The following IFT74 variants were observed in gnomAD, a reference collection of about 807,000 sequenced individuals.
IFT74 encodes the protein intraflagellar transport 74.
IFT74 carries 92 observed loss-of-function variants against 96.7 expected under a neutral mutation model. The observed-to-expected ratio is 0.95, with a 90% CI of 0.80 to 1.13. The LOEUF (loss-of-function observed/expected upper bound fraction) is 1.13. IFT74 is among the 50% of genes most tolerant of loss of function. The pLI, the probability that IFT74 is intolerant of heterozygous loss-of-function variation, is 0.00. For missense variants in IFT74, 811 were observed against 698.2 expected, an observed-to-expected ratio of 1.16 and a Z score of -1.82; for synonymous variants, 223 against 213.2, an observed-to-expected ratio of 1.05 and a Z score of -0.40.
intron 8 of IFT74, among the ~76,000 whole-genome samples, chr9:27,003,659 A>C (rs1828623170): frequency 6.6e-6 from 1 of 152,058 alleles, no homozygotes; most frequent in Non-Finnish European, 1.5e-5. Flanking sequence ...ATTGCCTTTG[A>C]TTTGTTGATC....
intron 2 of IFT74, among the ~76,000 whole-genome samples, chr9:26,966,705 G>A (rs531627209): frequency 6.6e-6 from 1 of 152,082 alleles, no homozygotes; most frequent in African/African-American, 2.4e-5. Context: ...TTTTGCTTTG[G>A]TTTCCTTTGC....
At chr9:26,963,314 T>G (rs1826452214) in intron 2 of IFT74, among the ~76,000 whole-genome samples, 1 of 152,128 alleles carries the variant, frequency 6.6e-6, no homozygotes, top group South Asian at 2.1e-4. Context: ...TTGCATGGTA[T>G]TCCATGGTGT....
At chr9:27,060,953 C>T (rs1432749126) in intron 19 of IFT74, 1 of 137,826 alleles carries the variant, frequency 7.3e-6, no homozygotes, top group Non-Finnish European at 1.3e-5. Flanking sequence ...CAGAGCAAGA[C>T]TCCATCTCAA....
chr9:26,985,063 C>G (rs186840165), intron 6 of IFT74, among the ~76,000 whole-genome samples: 1 of 152,278 alleles, frequency 6.6e-6, no homozygotes, highest in East Asian at 1.9e-4. Flanking sequence ...CCTAAATGCC[C>G]ATCAGTGGCA....
chr9:27,010,615 G>A (rs754316388), intron 9 of IFT74, among the ~76,000 whole-genome samples: 5 of 150,384 alleles, frequency 3.3e-5, no homozygotes. Context: ...TCAGCCTCCT[G>A]AGTAGCTGGG....
intron 8 of IFT74, chr9:26,996,564 T>A: frequency 8.9e-7 from 1 of 1,128,962 alleles, no homozygotes; most frequent in South Asian, 3.6e-5. Flanking sequence ...ATTTTATAAT[T>A]GTTTTATCTA....
intron 14 of IFT74, among the ~76,000 whole-genome samples, chr9:27,045,417 A>G (rs1015335578): frequency 2.0e-5 from 3 of 152,136 alleles, no homozygotes; most frequent in African/African-American, 7.2e-5. Flanking sequence ...GTTCTCTTTT[A>G]CATGCTTCAC....
intron 12 of IFT74, 139 bp downstream of exon 12, chr9:27,018,826 A>G (rs1829470578): frequency 4.6e-6 from 2 of 438,998 alleles, no homozygotes; most frequent in Admixed American, 4.1e-5. Context: ...GAGCCATTGC[A>G]TAGTATAATT....
chr9:27,052,704 A>T (rs972218671), intron 16 of IFT74, among the ~76,000 whole-genome samples: 2 of 152,078 alleles, frequency 1.3e-5, no homozygotes, highest in Admixed American at 1.3e-4. Flanking sequence ...CATTGTTTTC[A>T]TTTTAACTTC....
chr9:27,053,149 A>C (rs140164115), intron 16 of IFT74, among the ~76,000 whole-genome samples: 2 of 63,438 alleles, frequency 3.2e-5, no homozygotes, highest in Admixed American at 2.1e-4. Context: ...AGGCGTGAGC[A>C]CCGCGCCTGG....
upstream of IFT74, among the ~76,000 whole-genome samples, chr9:26,955,341 C>T (rs1022503954): frequency 2.6e-5 from 4 of 152,154 alleles, no homozygotes; most frequent in South Asian, 2.1e-4. Context: ...GTTACTGCGG[C>T]TGTCACCCTT....
chr9:27,019,216 C>G (rs2131622300), intron 12 of IFT74, among the ~76,000 whole-genome samples: 1 of 152,188 alleles, frequency 6.6e-6, no homozygotes, highest in Admixed American at 6.5e-5. Flanking sequence ...CTCAGCTTCC[C>G]AAAGAGCTGG....
rs2131721311 is a variant in IFT74 at position 27,063,405 on chromosome 9, A to G, written c.*669A>G. On this transcript the variant is annotated 3_prime_UTR_variant, in exon 20 of 20. Transcript: ENST00000380062. ...TTTTGGACTATGGCTACTGCTGTTC[A>G]TTGCCACCCTGCAGTATGCATTTAC... Among the ~76,000 whole-genome samples, 1 of 152,250 alleles carries G rather than the reference A, an allele frequency of 6.6e-6. No homozygotes were observed. Among genetic ancestry groups the G allele is most frequent in the Non-Finnish European group, 1.5e-5 (1 of 67,980 alleles).
intron 19 of IFT74, among the ~76,000 whole-genome samples, chr9:27,061,323 A>G (rs1820413777): frequency 6.6e-6 from 1 of 152,226 alleles, no homozygotes; most frequent in Non-Finnish European, 1.5e-5. Flanking sequence ...CTTGTAAGTT[A>G]CAAACTGGAC....
At chr9:27,011,251 C>T (rs924405991) in intron 9 of IFT74, among the ~76,000 whole-genome samples, 9 of 151,254 alleles carry the variant, frequency 6.0e-5, no homozygotes, top group African/African-American at 2.2e-4. Context: ...GACTCTGTCT[C>T]AAAAAGAAAA....
In IFT74 at chr9:27,047,519, A is replaced by G. The variant is rs978907964; in HGVS notation, c.1206+148A>G. Reference sequence around the variant, plus strand: ...TCCCTTACTTGTTACTATTTATTTCAGCTATTAACTTTTTTATCACTCTAG... The same window carrying G: ...TCCCTTACTTGTTACTATTTATTTCGGCTATTAACTTTTTTATCACTCTAG... On this transcript the variant is annotated intron_variant, in intron 15 of 19. Transcript: ENST00000380062. 9.2e-6 allele frequency: 5 copies of G among 543,158 alleles called. No homozygotes were observed. In the African/African-American group the frequency reaches 9.8e-5, roughly 11 times the overall value. The allele number at this position is 543,158 out of a possible 1,614,324, so 33.6% of individuals were successfully genotyped here.
At position 27,058,638 on chromosome 9, in the gene IFT74, T is replaced by A. The variant is rs148130499; in HGVS notation, c.1624-1953T>A. ...CCTGACCTTAGGTCATCCACCTGCCTCGGCCTCCCAAAGTGCTGGGATTGC... is the reference window on the plus strand; with the variant it reads ...CCTGACCTTAGGTCATCCACCTGCCACGGCCTCCCAAAGTGCTGGGATTGC... On this transcript the variant is annotated intron_variant, in intron 18 of 19. Coordinates refer to ENST00000380062, the MANE Select transcript of IFT74 (RefSeq NM_025103.4). 8.4e-3 allele frequency among the ~76,000 whole-genome samples: 1,277 copies of A among 152,328 alleles called. 20 individuals are homozygous for A. Among genetic ancestry groups the A allele is most frequent in the African/African-American group, 0.029 (1,211 of 41,570 alleles).
chr9:26,978,305 T>C, intron 3 of IFT74, 42 bp downstream of exon 3: 1 of 1,589,460 alleles, frequency 6.3e-7, no homozygotes, highest in Non-Finnish European at 8.5e-7. Context: ...GCCTGTGTTT[T>C]GTAAGAAATA....
intron 8 of IFT74, chr9:26,995,231 A>C (rs948864030): frequency 4.4e-5 from 9 of 205,800 alleles, no homozygotes; most frequent in Non-Finnish European, 9.9e-6. Context: ...ATTTTAATTC[A>C]TGAATAATTT....
Sources: gnomAD v4.1 joint callset for allele counts (sites outside exome capture counted in the v4.1 genomes callset) on GRCh38, gnomAD v4.1.1 for gene constraint, MANE v1.5 for transcripts, NCBI Gene and HGNC (gene_info 2026-07-23, HGNC 2026-07-21) for gene names.